Variants in CR1L observed in about 807,000 individuals in gnomAD.
CR1L encodes the protein complement component receptor 1-like protein.
In CR1L, 59 loss-of-function variants were observed where a neutral mutation model predicts 62.3. The observed-to-expected ratio is 0.95, with a 90% CI of 0.77 to 1.18. CR1L has a LOEUF of 1.18. Ranked by LOEUF, CR1L falls within the 50% of genes most tolerant of loss-of-function variation. CR1L has a pLI of 0.00. For synonymous variants in CR1L, 279 were observed against 248.7 expected, an observed-to-expected ratio of 1.12 and a Z score of -1.15; for missense variants, 700 against 702.8, an observed-to-expected ratio of 1.00 and a Z score of 0.04.
intron 10 of CR1L, chr1:207,709,266 T>C (rs978421269): frequency 5.7e-5 from 9 of 158,674 alleles, no homozygotes; most frequent in Admixed American, 5.6e-4. Context: ...TAAATGGGCA[T>C]ACTGGCACAC....
intron 10 of CR1L, among the ~76,000 whole-genome samples, chr1:207,713,167 A>C (rs1664388526): frequency 6.6e-6 from 1 of 152,172 alleles, no homozygotes; most frequent in Non-Finnish European, 1.5e-5. Context: ...AAATACAGTC[A>C]CTGATCTTGG....
At chr1:207,723,509 A>G in intron 11 of CR1L, 109 bp from the exon 12 acceptor site, 1 of 870,962 alleles carries the variant, frequency 1.1e-6, no homozygotes, top group Non-Finnish European at 1.8e-6. Context: ...AAAAAATATT[A>G]GTCTGAGTCC....
chr1:207,648,235 A>AAC (rs1558008597), intron 1 of CR1L, among the ~76,000 whole-genome samples: 1 of 150,590 alleles, frequency 6.6e-6, no homozygotes, highest in African/African-American at 2.5e-5. Context: ...AAAAAAAAAA[A>AAC]AAACCTGGAA....
chr1:207,662,368 ACTTCT>A (rs1373717831), intron 1 of CR1L, among the ~76,000 whole-genome samples: 2 of 151,656 alleles, frequency 1.3e-5, no homozygotes, highest in African/African-American at 4.9e-5. Flanking sequence ...TTTTCTCTAA[ACTTCT>A]CTTCTCACTT....
chr1:207,705,514 T>C (rs1217295404), intron 9 of CR1L, among the ~76,000 whole-genome samples: 2 of 152,180 alleles, frequency 1.3e-5, no homozygotes, highest in Non-Finnish European at 2.9e-5. Context: ...AGGGGCTATG[T>C]TTGTGCCACC....
chr1:207,688,585 T>C lies in CR1L; in HGVS notation c.463+4628T>C, dbSNP rs187829757. On this transcript the variant is annotated intron_variant, in intron 4 of 11. Coordinates refer to ENST00000508064, the MANE Select transcript of CR1L (RefSeq NM_175710.2). ...GGCACTTTGCATTACCATATAAAATTTAGAATCAGCTTGTCAATTTCCACA... is the reference window on the plus strand; with the variant it reads ...GGCACTTTGCATTACCATATAAAATCTAGAATCAGCTTGTCAATTTCCACA... Among the ~76,000 whole-genome samples, 64 of 152,314 alleles carry C rather than the reference T, an allele frequency of 4.2e-4. 2 individuals carry two copies. Among genetic ancestry groups the C allele is most frequent in the African/African-American group, 1.4e-3 (60 of 41,570 alleles).
In CR1L at chr1:207,701,638, T is replaced by A. The variant is rs1458300135; in HGVS notation, c.1328+20T>A. On this transcript the variant is annotated intron_variant, in intron 9 of 11. Transcript: ENST00000508064. ...TACAGGGTGAGTTGGCAGCAACATCTCTTGGTTCCAGAGTTCCAGCACAGC... is the reference window on the plus strand; with the variant it reads ...TACAGGGTGAGTTGGCAGCAACATCACTTGGTTCCAGAGTTCCAGCACAGC... 1 of 1,613,342 alleles carries A rather than the reference T, an allele frequency of 6.2e-7. No individual in the cohort carries two copies. Among genetic ancestry groups the A allele is most frequent in the African/African-American group, 1.3e-5 (1 of 74,882 alleles).
At chr1:207,703,430 CAG>C (rs1042650797) in intron 9 of CR1L, among the ~76,000 whole-genome samples, 1 of 152,148 alleles carries the variant, frequency 6.6e-6, no homozygotes, top group Non-Finnish European at 1.5e-5. Context: ...AGTCTGATGA[CAG>C]AGGTATGTTT....
intron 3 of CR1L, among the ~76,000 whole-genome samples, chr1:207,680,615 T>C (rs1663781045): frequency 6.6e-6 from 1 of 152,216 alleles, no homozygotes; most frequent in Non-Finnish European, 1.5e-5. Flanking sequence ...TATTGTGAAA[T>C]TAAATCATTC....
intron 4 of CR1L, among the ~76,000 whole-genome samples, chr1:207,691,058 A>ACCCATTACAATC (rs1254016963): frequency 6.6e-6 from 1 of 152,150 alleles, no homozygotes; most frequent in Non-Finnish European, 1.5e-5. Context: ...TGGTTATTCA[A>ACCCATTACAATC]CCCATTACAA....
intron 7 of CR1L, 44 bp from the exon 8 acceptor site, chr1:207,699,145 C>G: frequency 1.2e-6 from 2 of 1,612,230 alleles, no homozygotes; most frequent in East Asian, 2.2e-5. Context: ...TAAGTGTCCT[C>G]TTGGCTGAAA....
intron 1 of CR1L, among the ~76,000 whole-genome samples, chr1:207,667,674 C>T (rs1368642659): frequency 6.6e-6 from 1 of 152,080 alleles, no homozygotes; most frequent in Non-Finnish European, 1.5e-5. Context: ...TAAATTGGCT[C>T]ATAATGATTG....
chr1:207,673,850 A>C (rs6669885), intron 1 of CR1L, among the ~76,000 whole-genome samples: 64,297 of 152,108 alleles, frequency 0.42, 13,799 homozygotes, highest in Non-Finnish European at 0.46. Context: ...TATGTCCACA[A>C]AAAGACTTGT....
At chr1:207,718,982 A>G (rs1290825165) in intron 11 of CR1L, among the ~76,000 whole-genome samples, 1 of 149,674 alleles carries the variant, frequency 6.7e-6, no homozygotes, top group Admixed American at 6.7e-5. Flanking sequence ...ATTGGAAAAC[A>G]TCATTCTCAG....
At chr1:207,660,179 A>G (rs1663387821) in intron 1 of CR1L, among the ~76,000 whole-genome samples, 1 of 152,254 alleles carries the variant, frequency 6.6e-6, no homozygotes. Flanking sequence ...TGGTTCTCCC[A>G]GCACAGCATT....
chr1:207,702,554 A>G (rs1033972491), intron 9 of CR1L, among the ~76,000 whole-genome samples: 20 of 152,260 alleles, frequency 1.3e-4, no homozygotes, highest in African/African-American at 4.8e-4. Flanking sequence ...CCAAACAGCT[A>G]GCGAGTTGCA....
chr1:207,704,423 C>T (rs1664239577), intron 9 of CR1L, among the ~76,000 whole-genome samples: 1 of 152,202 alleles, frequency 6.6e-6, no homozygotes, highest in East Asian at 1.9e-4. Flanking sequence ...TAGAATATTA[C>T]ATAAACTAAG....
rs182261977 is a variant in CR1L at position 207,676,259 on chromosome 1, T to A, written c.98-1130T>A. Among the ~76,000 whole-genome samples the A allele has an allele frequency of 6.6e-4, 101 of 151,930 alleles. 1 individual carries two copies. The East Asian group carries it at 8.3e-3, about 13-fold the overall frequency. On this transcript the variant is annotated intron_variant, in intron 1 of 11. Transcript: ENST00000508064. ...AATGGATGGATGCTGATTTTTTTTT[T>A]AAAAAAAGAGCCCATTTCTAAGGCA...
At chr1:207,718,185 G>T (rs180974847) in intron 11 of CR1L, among the ~76,000 whole-genome samples, 1 of 152,170 alleles carries the variant, frequency 6.6e-6, no homozygotes, top group East Asian at 1.9e-4. Flanking sequence ...TGTTCAAGCC[G>T]CTGACTATAT....
Sources: gnomAD v4.1 joint callset for allele counts (sites outside exome capture counted in the v4.1 genomes callset) on GRCh38, gnomAD v4.1.1 for gene constraint, MANE v1.5 for transcripts, NCBI Gene and HGNC (gene_info 2026-07-23, HGNC 2026-07-21) for gene names.